The following GRHPR variants were observed in gnomAD, a reference collection of about 807,000 sequenced individuals.
The protein encoded by GRHPR is glyoxylate and hydroxypyruvate reductase, also known as glyoxylate reductase/hydroxypyruvate reductase.
Under a neutral mutation model 36.8 loss-of-function variants are expected in GRHPR, and 35 were observed. The ratio of observed to expected loss-of-function variants is 0.95; its 90% CI spans 0.73 to 1.26. The LOEUF (loss-of-function observed/expected upper bound fraction) is 1.26, where lower values mean the gene tolerates loss of function less well. GRHPR is among the 50% of genes most tolerant of loss of function. The pLI, the probability that GRHPR is intolerant of heterozygous loss-of-function variation, is 0.00. For missense variants in GRHPR, 380 were observed against 435.0 expected (o/e 0.87, Z 1.12); for synonymous variants, 179 against 181.0 (o/e 0.99, Z 0.09).
At chr9:37,430,754 T>C in intron 7 of GRHPR, 108 bp downstream of exon 7, 1 of 1,042,112 alleles carries the variant, frequency 9.6e-7, no homozygotes, top group South Asian at 1.3e-5. Flanking sequence ...CAGGCTGAGC[T>C]TGCTGGTTTC....
intron 7 of GRHPR, chr9:37,430,887 C>T: frequency 3.2e-6 from 2 of 626,230 alleles, no homozygotes; most frequent in Non-Finnish European, 6.1e-6. Flanking sequence ...CCCGGCGGGG[C>T]CTGGCACACA....
chr9:37,434,348 A>G (rs1823531107), intron 8 of GRHPR: 2 of 477,878 alleles, frequency 4.2e-6, no homozygotes, highest in South Asian at 5.8e-5. Context: ...GGGAAGGGCC[A>G]GCGGCCCCTG....
intron 3 of GRHPR, 74 bp from the exon 4 acceptor site, chr9:37,426,464 A>G: frequency 2.0e-6 from 2 of 995,794 alleles, no homozygotes; most frequent in Admixed American, 1.7e-5. Context: ...AAGTAACTCC[A>G]TGGAAATGTC....
At chr9:37,426,990 G>A (rs59776905) in intron 4 of GRHPR, among the ~76,000 whole-genome samples, 2,893 of 152,100 alleles carry the variant, frequency 0.019, 87 homozygotes, top group African/African-American at 0.064. Flanking sequence ...TGGCAGGAAC[G>A]TTGGCTCTGC....
chr9:37,432,322 C>A, intron 8 of GRHPR, 184 bp downstream of exon 8: 1 of 621,988 alleles, frequency 1.6e-6, no homozygotes, highest in South Asian at 1.6e-5. Flanking sequence ...AGTCCTCTTG[C>A]GCATGCTCTG....
chr9:37,429,313 T>C (rs1823236928), intron 5 of GRHPR: 1 of 282,448 alleles, frequency 3.5e-6, no homozygotes, highest in Non-Finnish European at 7.0e-6. Flanking sequence ...AGTTTGGCAG[T>C]GCCACCAAAA....
At chr9:37,432,202 G>C (rs1234569573) in intron 8 of GRHPR, 64 bp downstream of exon 8, 1 of 1,546,260 alleles carries the variant, frequency 6.5e-7, no homozygotes, top group East Asian at 2.3e-5. Flanking sequence ...TTTTGAGGGG[G>C]TCCCAAGGGG....
rs759635458 is a variant in GRHPR, at chr9:37,424,904, G to A, written c.143G>A (p.Gly48Asp). The part of the protein sequence containing the change: ...EPIPAKELER[G>D]VAGAHGLLCL... ...ATCCCTGCCAAGGAGCTAGAGCGAG[G>A]TGTGGCGGGGGCCCACGGCCTGCTC... Residue 48 changes from glycine (G) to aspartate (D), a missense_variant, in exon 2 of 9, where the codon GGT becomes GAT. Gly to Asp is a moderately conservative substitution (Grantham distance 94, BLOSUM62 -1). Coordinates refer to ENST00000318158, the MANE Select transcript of GRHPR (RefSeq NM_012203.2). 2 of 1,613,484 alleles carry A rather than the reference G, an allele frequency of 1.2e-6. No individual in the cohort carries two copies. The highest frequency in any genetic ancestry group is 1.7e-6 in the Non-Finnish European group (2 of 1,179,886).
intron 7 of GRHPR, 55 bp from the exon 8 acceptor site, chr9:37,431,953 G>A: frequency 6.2e-7 from 1 of 1,604,648 alleles, no homozygotes; most frequent in South Asian, 1.1e-5. Flanking sequence ...CTGCCTCAAA[G>A]GTGGCCTGGG....
Position 37,430,581 on chromosome 9 carries a change from G to A in GRHPR, c.669G>A (p.Glu223=). ...VVACSLTPAT[E]GLCNKDFFQK... is the part of the protein sequence containing the mutation. ...CCTGCTCCTTAACACCTGCAACCGA[G>A]GGACTCTGCAACAAGGACTTCTTCC... Residue 223 remains glutamate (E), a synonymous_variant, in exon 7 of 9, where the codon GAG becomes GAA. Coordinates refer to ENST00000318158, the MANE Select transcript of GRHPR (RefSeq NM_012203.2). The A allele has an allele frequency of 6.2e-7, 1 of 1,613,696 alleles. No homozygotes were observed. Among genetic ancestry groups the A allele is most frequent in the Non-Finnish European group, 8.5e-7 (1 of 1,179,578 alleles).
At chr9:37,423,844 C>T (rs1385514527) in intron 1 of GRHPR, among the ~76,000 whole-genome samples, 1 of 152,154 alleles carries the variant, frequency 6.6e-6, no homozygotes, top group Non-Finnish European at 1.5e-5. Context: ...AACTTTTAAT[C>T]CTGGTAGCAC....
intron 4 of GRHPR, 152 bp from the exon 5 acceptor site, chr9:37,428,332 C>G: frequency 1.5e-6 from 1 of 682,524 alleles, no homozygotes; most frequent in Non-Finnish European, 2.7e-6. Flanking sequence ...TGCTCATCTG[C>G]AGTGCCGAGT....
downstream of GRHPR, among the ~76,000 whole-genome samples, chr9:37,437,937 CAG>C (rs1165739550): frequency 6.6e-6 from 1 of 152,108 alleles, no homozygotes; most frequent in East Asian, 1.9e-4. Context: ...AGCTCAAAGA[CAG>C]AAAAGGCGGG....
chr9:37,427,142 A>G (rs1304093197), intron 4 of GRHPR, among the ~76,000 whole-genome samples: 1 of 152,112 alleles, frequency 6.6e-6, no homozygotes, highest in Non-Finnish European at 1.5e-5. Context: ...TGGTGAGAGA[A>G]GAGGATGAGG....
chr9:37,434,094 T>TA, intron 8 of GRHPR: 3 of 347,310 alleles, frequency 8.6e-6, no homozygotes, highest in Non-Finnish European at 1.5e-5. Flanking sequence ...AAGGCAGGTC[T>TA]TGGTCTGAGG....
intron 7 of GRHPR, chr9:37,430,857 C>T: frequency 1.5e-6 from 1 of 669,862 alleles, no homozygotes; most frequent in Non-Finnish European, 2.8e-6. Flanking sequence ...GGCCTGTCTG[C>T]TTCTCAGCAG....
At chr9:37,422,941 G>C (rs551412999) in intron 1 of GRHPR, 108 bp downstream of exon 1, 649 of 779,146 alleles carry the variant, frequency 8.3e-4, no homozygotes, top group Non-Finnish European at 1.0e-3. Context: ...TTGGAGTTTT[G>C]GGGAGTCTCG....
At chr9:37,423,508 C>G (rs1274410352) in intron 1 of GRHPR, among the ~76,000 whole-genome samples, 1 of 150,914 alleles carries the variant, frequency 6.6e-6, no homozygotes, top group African/African-American at 2.4e-5. Context: ...GGGTCTCACT[C>G]TCATCCAGGC....
chr9:37,430,351 G>C (rs939706411), intron 6 of GRHPR, 160 bp from the exon 7 acceptor site: 1 of 717,718 alleles, frequency 1.4e-6, no homozygotes, highest in African/African-American at 1.7e-5. Context: ...TGTGTGATTT[G>C]ACTTTGTGCA....
Sources: allele counts gnomAD v4.1 joint callset (sites outside exome capture counted in the v4.1 genomes callset), GRCh38; gene constraint gnomAD v4.1.1; transcripts MANE v1.5; gene names NCBI Gene and HGNC (gene_info 2026-07-23, HGNC 2026-07-21).